SLC30A3: variants seen among roughly 807,000 people sequenced by gnomAD.
SLC30A3 encodes the protein probable proton-coupled zinc antiporter SLC30A3.
A neutral mutation model predicts 35.6 loss-of-function variants in SLC30A3; 20 were observed. That is an observed-to-expected ratio of 0.56 (90% CI 0.39 to 0.82). The LOEUF is 0.82. SLC30A3 is among the 40% of genes least tolerant of loss of function. SLC30A3 has a pLI of 0.00. For missense variants in SLC30A3, 401 were observed against 530.6 expected (o/e 0.76, Z 2.40); for synonymous variants, 217 against 224.7 (o/e 0.97, Z 0.31).
chr2:27,267,290 G>A (rs1162351773), upstream of SLC30A3, among the ~76,000 whole-genome samples: 2 of 152,012 alleles, frequency 1.3e-5, no homozygotes, highest in African/African-American at 2.4e-5. Flanking sequence ...CATCCTTACT[G>A]CCTTATAGTC....
At chr2:27,263,397 C>T (rs1445094245), upstream of SLC30A3, 3 of 452,666 alleles carry the variant, frequency 6.6e-6, no homozygotes, top group Admixed American at 2.4e-5. Flanking sequence ...GTGTCGCCCA[C>T]CACGCCGTCA....
upstream of SLC30A3, chr2:27,275,347 G>T: frequency 1.7e-6 from 1 of 585,028 alleles, no homozygotes; most frequent in South Asian, 1.6e-5. Flanking sequence ...TAAGCCCTCC[G>T]CTCTCGCTTC....
In SLC30A3 at chr2:27,257,565, A is replaced by G; in HGVS notation, c.579-213T>C. 1 of 612,386 alleles carries G rather than the reference A, an allele frequency of 1.6e-6. No homozygotes were observed. The highest frequency in any genetic ancestry group is 2.9e-6 in the Non-Finnish European group (1 of 345,990). 37.9% of individuals were successfully genotyped at this position (612,386 alleles called of 1,614,324 possible). ...AGCTGGCCCTGTTACTTAAATAGAT[A>G]TGTGACTTGGGCAAGTCACCTGTTG... On this transcript the variant is annotated intron_variant, in intron 4 of 7. Coordinates refer to ENST00000233535, the MANE Select transcript of SLC30A3 (RefSeq NM_003459.5). This position sits in a 1 kb window ranked among gnomAD's most constrained non-coding sequence, Gnocchi z 4.7.
chr2:27,255,322 G>C lies in SLC30A3; in HGVS notation c.1157C>G (p.Pro386Arg), dbSNP rs890409666. The stretch of plus-strand genomic sequence containing the variant: ...GGGCAGGGCCATGGCTCAGGCTTGG[G>C]GGGGTTCCTGGCAGCGCAGGCACTG... ...MAQCLRCQEP[P>R]QA is the part of the protein sequence containing the mutation. The change falls in exon 8 of 8, where the codon CCC (proline) becomes CGC (arginine). Residue 386 changes from proline to arginine, a missense_variant. Pro to Arg is a moderately radical substitution (Grantham distance 103, BLOSUM62 -2). Coordinates refer to ENST00000233535, the MANE Select transcript of SLC30A3 (RefSeq NM_003459.5). The surrounding 1 kb of genome is among the most constrained non-coding windows in gnomAD (Gnocchi z 5.2). The C allele has an allele frequency of 1.2e-6, 2 of 1,613,976 alleles. No individual in the cohort carries two copies. Among genetic ancestry groups the C allele is most frequent in the African/African-American group, 2.7e-5 (2 of 74,942 alleles).
Position 27,256,769 on chromosome 2 carries a change from G to A in SLC30A3, c.883+19C>T, listed in dbSNP as rs774518696. On this transcript the variant is annotated intron_variant, in intron 6 of 7. Transcript: ENST00000233535. ...TCAGAGAGGGCCACAGGGATGGGGAGCTGTGGTGCCCGACTCACCTTCCAT... is the reference window on the plus strand; with the variant it reads ...TCAGAGAGGGCCACAGGGATGGGGAACTGTGGTGCCCGACTCACCTTCCAT... 6.5e-7 allele frequency: 1 copy of A among 1,541,506 alleles called. No homozygotes were observed. The highest frequency in any genetic ancestry group is 8.9e-7 in the Non-Finnish European group (1 of 1,123,358).
In SLC30A3 at chr2:27,255,086, C is replaced by A; in HGVS notation, c.*226G>T. On this transcript the variant is annotated 3_prime_UTR_variant, in exon 8 of 8. Coordinates refer to ENST00000233535, the MANE Select transcript of SLC30A3 (RefSeq NM_003459.5). The surrounding 1 kb of genome is among the most constrained non-coding windows in gnomAD (Gnocchi z 5.2). ...AGGCCTGGGAGTCCCCGCCCCTGAACTAGTCACATCTATTCCCCTGACTCC... is the reference window on the plus strand; with the variant it reads ...AGGCCTGGGAGTCCCCGCCCCTGAAATAGTCACATCTATTCCCCTGACTCC... 6.7e-7 allele frequency: 1 copy of A among 1,498,164 alleles called. No individual in the cohort carries two copies. The highest frequency in any genetic ancestry group is 8.9e-7 in the Non-Finnish European group (1 of 1,124,698). The allele number at this position is 1,498,164 out of a possible 1,614,324, so 92.8% of individuals were successfully genotyped here. A position where few individuals can be genotyped will look rare whatever the true frequency, so the allele number is the denominator to read the frequency against.
chr2:27,264,230 C>A, upstream of SLC30A3: 1 of 424,184 alleles, frequency 2.4e-6, no homozygotes, highest in Admixed American at 2.5e-5. This position sits in a 1 kb window ranked among gnomAD's most constrained non-coding sequence, Gnocchi z 6.1. Context: ...AGGCAAGAAA[C>A]TCATCAGCCG....
In SLC30A3 at chr2:27,262,702, C is replaced by T; in HGVS notation, c.95+110G>A. ...GCGGGGTGCAGCGGAGCGAGGGACC[C>T]GCGGTGCGCTGGGGCGGCCGCCGGG... On this transcript the variant is annotated intron_variant, in intron 1 of 7. Transcript: ENST00000233535. The surrounding 1 kb of genome is among the most constrained non-coding windows in gnomAD (Gnocchi z 7.5). The T allele has an allele frequency of 9.3e-7, 1 of 1,078,742 alleles. No homozygotes were observed. The highest frequency in any genetic ancestry group is 1.7e-5 in the African/African-American group (1 of 59,224). 66.8% of individuals were successfully genotyped at this position (1,078,742 alleles called of 1,614,324 possible).
Position 27,257,675 on chromosome 2 carries a change from G to A in SLC30A3, c.578+230C>T. 1 of 603,404 alleles carries A rather than the reference G, an allele frequency of 1.7e-6. No homozygotes were observed. The highest frequency in any genetic ancestry group is 3.0e-5 in the Admixed American group (1 of 33,790). The allele number at this position is 603,404 out of a possible 1,614,324, so 37.4% of individuals were successfully genotyped here. ...GAGGTTTAAATGCAATCATGTTGAT[G>A]AAAGCCCTCATCAGAGTGGCTGGCC... On this transcript the variant is annotated intron_variant, in intron 4 of 7. Coordinates refer to ENST00000233535, the MANE Select transcript of SLC30A3 (RefSeq NM_003459.5). This position sits in a 1 kb window ranked among gnomAD's most constrained non-coding sequence, Gnocchi z 4.7.
intron 1 of SLC30A3, among the ~76,000 whole-genome samples, chr2:27,268,289 T>C (rs1677580988): frequency 6.6e-6 from 1 of 152,190 alleles, no homozygotes; most frequent in Non-Finnish European, 1.5e-5. Context: ...TGACCACTTA[T>C]CATTGTATCC....
intron 1 of SLC30A3, among the ~76,000 whole-genome samples, chr2:27,259,691 G>A (rs1677075508): frequency 6.6e-6 from 1 of 152,174 alleles, no homozygotes; most frequent in African/African-American, 2.4e-5. Context: ...GAGGCATGAG[G>A]CTCACAGAGT....
upstream of SLC30A3, among the ~76,000 whole-genome samples, chr2:27,267,335 A>C (rs1386406340): frequency 6.6e-6 from 1 of 152,204 alleles, no homozygotes; most frequent in African/African-American, 2.4e-5. Flanking sequence ...AACATAGATC[A>C]GATTTGTCAC....
chr2:27,257,952 C>T lies in SLC30A3; in HGVS notation c.531G>A (p.Gly177=). 1 of 1,614,180 alleles carries T rather than the reference C, an allele frequency of 6.2e-7. No homozygotes were observed. ...RLLHSDYHIE[G]GAMLLTASIA... is the part of the protein sequence containing the mutation. ...TGCTGGCGGTCAGCAGCATGGCACC[C>T]CCCTCGATGTGGTAGTCGCTGTGCA... Residue 177 remains glycine, a synonymous_variant, in exon 4 of 8, where the codon GGG becomes GGA. Transcript: ENST00000233535. This position sits in a 1 kb window ranked among gnomAD's most constrained non-coding sequence, Gnocchi z 4.7.
chr2:27,275,040 G>A (rs1378494763), intron 1 of SLC30A3: 15 of 426,752 alleles, frequency 3.5e-5, no homozygotes, highest in African/African-American at 3.0e-4. Context: ...CAGGAACAGG[G>A]GCATATGAGT....
chr2:27,256,642 C>T, intron 6 of SLC30A3, 122 bp from the exon 7 acceptor site: 1 of 1,398,836 alleles, frequency 7.1e-7, no homozygotes, highest in Non-Finnish European at 1.0e-6. Context: ...CTACAATTCA[C>T]CCTATGCCCA....
chr2:27,269,449 C>T (rs181512636), intron 1 of SLC30A3, among the ~76,000 whole-genome samples: 24 of 152,006 alleles, frequency 1.6e-4, no homozygotes, highest in Admixed American at 5.2e-4. Flanking sequence ...CCTCGTGATC[C>T]GCCTGCCTCA....
intron 1 of SLC30A3, among the ~76,000 whole-genome samples, chr2:27,273,029 C>T (rs1442846115): frequency 1.4e-5 from 2 of 142,002 alleles, no homozygotes; most frequent in Non-Finnish European, 3.0e-5. Context: ...CAGACTAAGA[C>T]CTTGTCTCAA....
intron 1 of SLC30A3, among the ~76,000 whole-genome samples, chr2:27,259,804 A>C (rs1677084113): frequency 6.6e-6 from 1 of 152,142 alleles, no homozygotes; most frequent in African/African-American, 2.4e-5. Context: ...ATTCCTACTG[A>C]TCTCTGAGAG....
In SLC30A3 at chr2:27,257,806, CTGTG is replaced by C; in HGVS notation, c.578+95_578+98del. 1 of 1,222,154 alleles carries C rather than the reference CTGTG, an allele frequency of 8.2e-7. No individual in the cohort carries two copies. The highest frequency in any genetic ancestry group is 1.5e-5 in the African/African-American group (1 of 67,092). 75.7% of individuals were successfully genotyped at this position (1,222,154 alleles called of 1,614,324 possible). A position where few individuals can be genotyped will look rare whatever the true frequency, so the allele number is the denominator to read the frequency against. ...CCCATGGAGAGCTGTGTGTGCGTGT[CTGTG>C]TGTCTGGTGGGGAGGAGAGAGCCAG... On this transcript the variant is annotated intron_variant, in intron 4 of 7. Transcript: ENST00000233535. The surrounding 1 kb of genome is among the most constrained non-coding windows in gnomAD (Gnocchi z 4.7).
Sources: allele counts gnomAD v4.1 joint callset (sites outside exome capture counted in the v4.1 genomes callset), GRCh38; gene constraint gnomAD v4.1.1; non-coding constraint Gnocchi (gnomAD v3.1); transcripts MANE v1.5; gene names NCBI Gene and HGNC (gene_info 2026-07-23, HGNC 2026-07-21).